TOX: variants seen among roughly 807,000 people sequenced by gnomAD.
The protein encoded by TOX is thymocyte selection associated high mobility group box.
TOX carries 11 observed loss-of-function variants against 53.7 expected under a neutral mutation model. That is an observed-to-expected ratio of 0.20 (90% CI 0.13 to 0.34). The LOEUF (loss-of-function observed/expected upper bound fraction) is 0.34, where lower values mean the gene tolerates loss of function less well. Ranked by LOEUF, TOX falls within the 10% of genes least tolerant of loss-of-function variation. TOX has a pLI of 1.00. For synonymous variants in TOX, 225 were observed against 245.3 expected (o/e 0.92, Z 0.77); for missense variants, 570 against 664.6 (o/e 0.86, Z 1.56).
intron 3 of TOX, among the ~76,000 whole-genome samples, chr8:58,896,862 CAAAG>C (rs1345836784): frequency 6.6e-6 from 1 of 152,166 alleles, no homozygotes; most frequent in African/African-American, 2.4e-5. Context: ...GCTTCATACA[CAAAG>C]AAATGCTGAG....
At chr8:58,921,937 T>C (rs113895167) in intron 3 of TOX, among the ~76,000 whole-genome samples, 295 of 152,340 alleles carry the variant, frequency 1.9e-3, no homozygotes, top group South Asian at 0.01. Flanking sequence ...ACCTACGGAC[T>C]CCTAGATTTT....
intron 1 of TOX, among the ~76,000 whole-genome samples, chr8:59,094,699 C>A (rs996546957): frequency 1.3e-5 from 2 of 152,108 alleles, no homozygotes; most frequent in African/African-American, 4.8e-5. Flanking sequence ...AGAAGGACCT[C>A]TGAAGCAGCC....
chr8:58,947,823 G>A (rs755896327), intron 2 of TOX, among the ~76,000 whole-genome samples: 8 of 152,318 alleles, frequency 5.3e-5, no homozygotes, highest in East Asian at 3.9e-4. Context: ...GCCAAGATGC[G>A]ATAAGTGATC....
At chr8:58,889,942 G>T (rs951508717) in intron 3 of TOX, among the ~76,000 whole-genome samples, 1 of 152,098 alleles carries the variant, frequency 6.6e-6, no homozygotes, top group East Asian at 1.9e-4. Context: ...GGCTATATAT[G>T]TTATGACATA....
At chr8:59,058,532 C>T (rs1803923006) in intron 1 of TOX, among the ~76,000 whole-genome samples, 1 of 152,158 alleles carries the variant, frequency 6.6e-6, no homozygotes, top group Admixed American at 6.5e-5. Context: ...TTTGGAGACA[C>T]TAAGTTCCGG....
Position 59,104,263 on chromosome 8 carries a change from C to T in TOX, c.102+14623G>A, listed in dbSNP as rs567104440. ...CAAACACAGTTCTAATCTTTTCACG[C>T]CCCTTAATCCTAAACTGTACCTGGC... On this transcript the variant is annotated intron_variant, in intron 1 of 8. Coordinates refer to ENST00000361421, the MANE Select transcript of TOX (RefSeq NM_014729.3). 2.0e-5 allele frequency among the ~76,000 whole-genome samples: 3 copies of T among 152,266 alleles called. No individual in the cohort carries two copies. The South Asian group carries it at 6.2e-4, about 32-fold the overall frequency.
At chr8:58,835,482 G>C (rs1810530196) in intron 5 of TOX, among the ~76,000 whole-genome samples, 1 of 152,118 alleles carries the variant, frequency 6.6e-6, no homozygotes, top group Non-Finnish European at 1.5e-5. Flanking sequence ...TTGATGGTTA[G>C]ACAAAATGAA....
At chr8:59,083,733 T>C (rs1248091326) in intron 1 of TOX, among the ~76,000 whole-genome samples, 3 of 152,198 alleles carry the variant, frequency 2.0e-5, no homozygotes, top group Non-Finnish European at 4.4e-5. Context: ...CATGTACATC[T>C]GTCATTATTA....
At chr8:58,848,342 GCATAAACAGAAAGTAA>G (rs1196388447) in intron 4 of TOX, among the ~76,000 whole-genome samples, 1 of 151,824 alleles carries the variant, frequency 6.6e-6, no homozygotes, top group Non-Finnish European at 1.5e-5. Flanking sequence ...AATATTTGTG[GCATAAACAGAAAGTAA>G]CATACTTAGA....
chr8:58,927,260 G>A (rs1272425054), intron 3 of TOX, among the ~76,000 whole-genome samples: 2 of 152,148 alleles, frequency 1.3e-5, no homozygotes, highest in African/African-American at 2.4e-5. Flanking sequence ...AACTGTGAAT[G>A]CTGGCTTTAC....
chr8:59,100,355 T>G (rs904879760), intron 1 of TOX, among the ~76,000 whole-genome samples: 1 of 152,186 alleles, frequency 6.6e-6, no homozygotes, highest in African/African-American at 2.4e-5. Context: ...AGAGGTGCTT[T>G]CTATTTGTGG....
intron 3 of TOX, among the ~76,000 whole-genome samples, chr8:58,910,214 A>C (rs1267604231): frequency 1.3e-5 from 2 of 152,216 alleles, no homozygotes; most frequent in Non-Finnish European, 2.9e-5. Flanking sequence ...TATTTGACAA[A>C]TGTTTTTCAA....
chr8:58,932,000 C>A (rs911704334), intron 3 of TOX, among the ~76,000 whole-genome samples: 1 of 152,050 alleles, frequency 6.6e-6, no homozygotes, highest in African/African-American at 2.4e-5. Context: ...AGCCCCAAAT[C>A]GTTAACATAC....
chr8:59,068,281 A>G (rs375600131), intron 1 of TOX, among the ~76,000 whole-genome samples: 108 of 152,342 alleles, frequency 7.1e-4, no homozygotes, highest in African/African-American at 2.5e-3. Context: ...TCTAATAAGA[A>G]ATAACATTAT....
intron 3 of TOX, among the ~76,000 whole-genome samples, chr8:58,873,426 T>A (rs1055618371): frequency 2.0e-5 from 3 of 152,136 alleles, no homozygotes; most frequent in Admixed American, 2.0e-4. Context: ...AAGTTTCATA[T>A]CTGTTGTCCG....
chr8:58,904,332 A>G lies in TOX; in HGVS notation c.411+34970T>C, dbSNP rs572835732. On this transcript the variant is annotated intron_variant, in intron 3 of 8. Transcript: ENST00000361421. ...TTTTTTTTGTTCGTTTATGGCTTCT[A>G]TGTGATACTAAAGCACAGAACCTAG... is the stretch of plus-strand genomic sequence containing the variant. Among the ~76,000 whole-genome samples the G allele has an allele frequency of 2.0e-5, 3 of 151,744 alleles. No individual in the cohort carries two copies. In the East Asian group the frequency reaches 5.8e-4, roughly 29 times the overall value.
At chr8:58,913,039 C>G (rs547352084) in intron 3 of TOX, among the ~76,000 whole-genome samples, 1 of 152,234 alleles carries the variant, frequency 6.6e-6, no homozygotes, top group Non-Finnish European at 1.5e-5. Context: ...AGGTTCTCTA[C>G]GAACTGGCCC....
At chr8:59,014,407 G>A (rs988446307) in intron 1 of TOX, among the ~76,000 whole-genome samples, 2 of 152,160 alleles carry the variant, frequency 1.3e-5, no homozygotes, top group African/African-American at 4.8e-5. Context: ...CCTGTCATCT[G>A]TTTTCATACT....
chr8:58,893,252 G>C (rs181791715), intron 3 of TOX, among the ~76,000 whole-genome samples: 1 of 152,166 alleles, frequency 6.6e-6, no homozygotes, highest in East Asian at 1.9e-4. Flanking sequence ...TGTAATTCTG[G>C]GGAAAAATGG....
Sources: gnomAD v4.1 joint callset for allele counts (sites outside exome capture counted in the v4.1 genomes callset) on GRCh38, gnomAD v4.1.1 for gene constraint, MANE v1.5 for transcripts, NCBI Gene and HGNC (gene_info 2026-07-23, HGNC 2026-07-21) for gene names.